The following SVOP variants were observed in gnomAD, a reference collection of about 807,000 sequenced individuals.
SVOP encodes synaptic vesicle 2-related protein.
A neutral mutation model predicts 69.1 loss-of-function variants in SVOP; 17 were observed. The observed-to-expected ratio is 0.25, with a 90% CI of 0.17 to 0.37. The LOEUF is 0.37. Ranked by LOEUF, SVOP falls within the 10% of genes least tolerant of loss-of-function variation. The pLI is 1.00. For synonymous variants in SVOP, 238 were observed against 238.6 expected, an observed-to-expected ratio of 1.00 and a Z score of 0.02; for missense variants, 435 against 597.5, an observed-to-expected ratio of 0.73 and a Z score of 2.84.
intron 6 of SVOP, among the ~76,000 whole-genome samples, chr12:108,953,773 T>C (rs1329327322): frequency 6.6e-6 from 1 of 152,154 alleles, no homozygotes; most frequent in Non-Finnish European, 1.5e-5. Flanking sequence ...AAATATTTCT[T>C]CTGCAATTTT....
At chr12:108,935,726 C>A (rs2039852457) in intron 10 of SVOP, among the ~76,000 whole-genome samples, 1 of 152,198 alleles carries the variant, frequency 6.6e-6, no homozygotes, top group Non-Finnish European at 1.5e-5. Context: ...ATTTTGTTCA[C>A]TATTAATGCT....
At chr12:109,004,255 A>T (rs1174568452) in intron 1 of SVOP, among the ~76,000 whole-genome samples, 1 of 152,164 alleles carries the variant, frequency 6.6e-6, no homozygotes, top group African/African-American at 2.4e-5. Context: ...TAATTTACCA[A>T]AATAGCAGGG....
At chr12:108,981,101 G>A (rs1232904567) in intron 2 of SVOP, among the ~76,000 whole-genome samples, 1 of 152,138 alleles carries the variant, frequency 6.6e-6, no homozygotes, top group Admixed American at 6.5e-5. Flanking sequence ...GCAGGTTGTG[G>A]TTTCCTCCAG....
chr12:108,914,222 G>T (rs1049547482), intron 15 of SVOP, among the ~76,000 whole-genome samples: 7 of 152,212 alleles, frequency 4.6e-5, no homozygotes, highest in African/African-American at 1.7e-4. Flanking sequence ...AGGAGTGACT[G>T]CTTAGTGGAT....
chr12:108,970,455 G>A (rs36155248), intron 5 of SVOP, among the ~76,000 whole-genome samples: 104,996 of 152,070 alleles, frequency 0.69, 36,800 homozygotes, highest in South Asian at 0.79. Context: ...TATACAACGC[G>A]CTATTTTATT....
At chr12:109,001,923 C>T (rs1254264941) in intron 1 of SVOP, among the ~76,000 whole-genome samples, 1 of 145,378 alleles carries the variant, frequency 6.9e-6, no homozygotes, top group African/African-American at 2.5e-5. Flanking sequence ...TCCAAAACAC[C>T]AAAAGCAATG....
intron 15 of SVOP, among the ~76,000 whole-genome samples, chr12:108,913,968 A>C (rs1011672687): frequency 1.3e-5 from 2 of 152,168 alleles, no homozygotes; most frequent in Admixed American, 6.5e-5. Context: ...TCATTTGCCA[A>C]ATGGGCATAG....
At chr12:109,009,789 G>A (rs2040330828) in intron 1 of SVOP, among the ~76,000 whole-genome samples, 1 of 152,086 alleles carries the variant, frequency 6.6e-6, no homozygotes, top group African/African-American at 2.4e-5. Context: ...AGCTTTGATG[G>A]TCACAACTGG....
intron 1 of SVOP, among the ~76,000 whole-genome samples, chr12:109,001,768 G>A (rs2040271893): frequency 6.6e-6 from 1 of 151,322 alleles, no homozygotes; most frequent in African/African-American, 2.4e-5. Flanking sequence ...GTAGGAAGCT[G>A]AAACTGGATC....
chr12:108,977,512 A>G lies in SVOP; in HGVS notation c.283-16T>C. 1 of 1,499,486 alleles carries G rather than the reference A, an allele frequency of 6.7e-7. No homozygotes were observed. Among genetic ancestry groups the G allele is most frequent in the Non-Finnish European group, 9.0e-7 (1 of 1,112,568 alleles). 92.9% of individuals were successfully genotyped at this position (1,499,486 alleles called of 1,614,324 possible). A position where few individuals can be genotyped will look rare whatever the true frequency, so the allele number is the denominator to read the frequency against. On this transcript the variant is annotated splice_polypyrimidine_tract_variant and intron_variant, in intron 3 of 15. Coordinates refer to ENST00000610966, the MANE Select transcript of SVOP (RefSeq NM_018711.5). ...CATCAGCCATCTGCAGAGAGGACGGAGACATCATGAGGCCAGGATGCTGCT... is the reference window on the plus strand; with the variant it reads ...CATCAGCCATCTGCAGAGAGGACGGGGACATCATGAGGCCAGGATGCTGCT...
At position 108,934,259 on chromosome 12, in the gene SVOP, T is replaced by C. The variant is rs765444154; in HGVS notation, c.984A>G (p.Ala328=). The part of the protein sequence containing the change: ...LLLWFIWFSN[A]FSYYGLVLLT... ...GTAGAACTAACCCGTAGTAAGAGAA[T>C]GCATTGGAAAACCTGCCAGGAGAAA... Residue 328 remains alanine, a synonymous_variant, in exon 11 of 16, where the codon GCA becomes GCG. Transcript: ENST00000610966. The C allele has an allele frequency of 1.2e-6, 2 of 1,604,244 alleles. No homozygotes were observed. The highest frequency in any genetic ancestry group is 1.7e-6 in the Non-Finnish European group (2 of 1,175,424).
intron 12 of SVOP, among the ~76,000 whole-genome samples, chr12:108,922,152 C>T (rs1236194587): frequency 2.6e-5 from 4 of 152,148 alleles, no homozygotes; most frequent in South Asian, 4.1e-4. Context: ...GTTGTTTGTA[C>T]AGCAAACAAC....
chr12:108,920,497 G>A (rs2039741580), intron 12 of SVOP, among the ~76,000 whole-genome samples: 3 of 151,756 alleles, frequency 2.0e-5, no homozygotes, highest in African/African-American at 7.3e-5. Context: ...CTATAAAATG[G>A]GCCTAAAAAA....
intron 2 of SVOP, among the ~76,000 whole-genome samples, chr12:108,979,208 C>A (rs1314961445): frequency 9.0e-6 from 1 of 110,562 alleles, no homozygotes; most frequent in Admixed American, 1.1e-4. Context: ...CAATGTATTA[C>A]TTCCATGGCC....
At chr12:108,996,062 C>T (rs1430475905) in intron 1 of SVOP, among the ~76,000 whole-genome samples, 1 of 152,016 alleles carries the variant, frequency 6.6e-6, no homozygotes, top group Non-Finnish European at 1.5e-5. Context: ...TGTTGAGGCT[C>T]ATTATTAAAT....
chr12:108,943,501 A>C (rs2039904534), intron 7 of SVOP, among the ~76,000 whole-genome samples: 3 of 151,732 alleles, frequency 2.0e-5, no homozygotes, highest in African/African-American at 7.3e-5. Context: ...CAGGAGGCCG[A>C]GGCAGAGAAT....
intron 11 of SVOP, 146 bp from the exon 12 acceptor site, chr12:108,922,943 T>C (rs2039759172): frequency 1.6e-6 from 1 of 631,588 alleles, no homozygotes; most frequent in Non-Finnish European, 2.8e-6. Context: ...GATTCATGTT[T>C]GAACACCAAG....
chr12:109,018,454 C>T (rs867644610), intron 1 of SVOP, among the ~76,000 whole-genome samples: 4 of 152,320 alleles, frequency 2.6e-5, no homozygotes, highest in African/African-American at 9.6e-5. Context: ...AATCTGCTAA[C>T]ACTTGGCCTC....
chr12:108,946,807 C>T (rs1183867990), intron 6 of SVOP, among the ~76,000 whole-genome samples: 1 of 151,780 alleles, frequency 6.6e-6, no homozygotes, highest in Non-Finnish European at 1.5e-5. Context: ...AAACCTCCAC[C>T]TCCCGGGTTC....
Sources: gnomAD v4.1 joint callset for allele counts (sites outside exome capture counted in the v4.1 genomes callset) on GRCh38, gnomAD v4.1.1 for gene constraint, MANE v1.5 for transcripts, NCBI Gene and HGNC (gene_info 2026-07-23, HGNC 2026-07-21) for gene names.